SDK1: variants seen among roughly 807,000 people sequenced by gnomAD.
SDK1 encodes sidekick cell adhesion molecule 1.
SDK1 carries 157 observed loss-of-function variants against 245.5 expected under a neutral mutation model. That is an observed-to-expected ratio of 0.64 (90% confidence interval 0.56 to 0.73). SDK1 has a LOEUF of 0.73. Among genes scored for constraint, SDK1 ranks in the 30% least tolerant of loss-of-function variants. The pLI, the probability that SDK1 is intolerant of heterozygous loss-of-function variation, is 0.00. For missense variants in SDK1, 3,583 were observed against 3,002.3 expected (o/e 1.19, Z -4.52); for synonymous variants, 1,647 against 1,278.5 (o/e 1.29, Z -6.15).
At chr7:3,928,867 G>A (rs1309121110) in intron 5 of SDK1, among the ~76,000 whole-genome samples, 1 of 152,250 alleles carries the variant, frequency 6.6e-6, no homozygotes, top group Non-Finnish European at 1.5e-5. Context: ...AGACAGCAAA[G>A]TGGCAGAGCT....
Position 3,397,483 on chromosome 7 carries a change from C to A in SDK1, c.298+95599C>A, listed in dbSNP as rs548329271. 3.1e-3 allele frequency among the ~76,000 whole-genome samples: 474 copies of A among 150,766 alleles called. 3 individuals are homozygous for A. Among genetic ancestry groups the A allele is most frequent in the African/African-American group, 0.011 (442 of 40,946 alleles). On this transcript the variant is annotated intron_variant, in intron 1 of 44. Coordinates refer to ENST00000404826, the MANE Select transcript of SDK1 (RefSeq NM_152744.4). Reference sequence around the variant, plus strand: ...TTTTGGTTCGTAGTCTTTTCTTTCCCCCCCCCAGCGCTTTGAATATGTCAC... The same window carrying A: ...TTTTGGTTCGTAGTCTTTTCTTTCCACCCCCCAGCGCTTTGAATATGTCAC...
intron 17 of SDK1, among the ~76,000 whole-genome samples, chr7:4,031,984 G>A (rs967881125): frequency 2.2e-5 from 3 of 137,834 alleles, no homozygotes; most frequent in Non-Finnish European, 3.1e-5. Context: ...TTGAGATAGC[G>A]CCACTGCACT....
At chr7:3,886,619 C>G (rs750595632) in intron 5 of SDK1, among the ~76,000 whole-genome samples, 1 of 152,214 alleles carries the variant, frequency 6.6e-6, no homozygotes, top group Non-Finnish European at 1.5e-5. Context: ...GACCCTGCCT[C>G]AAAAGTTGGC....
intron 1 of SDK1, among the ~76,000 whole-genome samples, chr7:3,575,130 G>C (rs943481798): frequency 3.3e-5 from 5 of 152,046 alleles, no homozygotes; most frequent in African/African-American, 1.2e-4. Context: ...CCCTAGACTG[G>C]GTGGTTTAAG....
At chr7:4,072,566 T>C (rs2128175128) in intron 20 of SDK1, among the ~76,000 whole-genome samples, 1 of 152,322 alleles carries the variant, frequency 6.6e-6, no homozygotes, top group African/African-American at 2.4e-5. Flanking sequence ...GGCAGCACCA[T>C]GAAATTCTAT....
chr7:3,687,972 T>C (rs377124567), intron 4 of SDK1, among the ~76,000 whole-genome samples: 3 of 152,142 alleles, frequency 2.0e-5, no homozygotes, highest in African/African-American at 7.2e-5. Flanking sequence ...AGGAGAAACA[T>C]GGCACCCTCA....
At chr7:3,673,269 C>T (rs995285958) in intron 4 of SDK1, among the ~76,000 whole-genome samples, 1 of 152,128 alleles carries the variant, frequency 6.6e-6, no homozygotes, top group Non-Finnish European at 1.5e-5. Flanking sequence ...AGGAACAAAT[C>T]CCATGGGGGC....
At chr7:3,402,939 CTGT>C (rs1235605162) in intron 1 of SDK1, among the ~76,000 whole-genome samples, 9 of 149,682 alleles carry the variant, frequency 6.0e-5, no homozygotes, top group Middle Eastern at 3.2e-3. Context: ...TTCTATTCCT[CTGT>C]TTCTTTCTTT....
Position 3,493,280 on chromosome 7 carries a change from G to T in SDK1, c.299-125800G>T, listed in dbSNP as rs1362285748. Among the ~76,000 whole-genome samples, 3 of 152,254 alleles carry T rather than the reference G, an allele frequency of 2.0e-5. No homozygotes were observed. The East Asian group carries it at 5.8e-4, about 29-fold the overall frequency. Reference sequence around the variant, plus strand: ...AGAAGATTTAGATATATGTCTGTCTGTCCATCCATCTCCCTACCCTTCATC... The same window carrying T: ...AGAAGATTTAGATATATGTCTGTCTTTCCATCCATCTCCCTACCCTTCATC... On this transcript the variant is annotated intron_variant, in intron 1 of 44. Transcript: ENST00000404826.
intron 14 of SDK1, among the ~76,000 whole-genome samples, chr7:3,988,216 T>G (rs1467054188): frequency 7.0e-6 from 1 of 143,776 alleles, no homozygotes; most frequent in African/African-American, 2.6e-5. Context: ...TCTATATTCC[T>G]CTGCCAGAAC....
chr7:3,392,650 C>G (rs1781787039), intron 1 of SDK1, among the ~76,000 whole-genome samples: 1 of 152,088 alleles, frequency 6.6e-6, no homozygotes, highest in Non-Finnish European at 1.5e-5. Context: ...CTTCTAATCT[C>G]CTTTTTGTCT....
At chr7:3,420,576 T>G (rs972711095) in intron 1 of SDK1, among the ~76,000 whole-genome samples, 1 of 152,158 alleles carries the variant, frequency 6.6e-6, no homozygotes, top group African/African-American at 2.4e-5. Flanking sequence ...TAAGGAAAGA[T>G]TTTACTTAAT....
intron 4 of SDK1, among the ~76,000 whole-genome samples, chr7:3,719,351 G>T (rs764856797): frequency 3.3e-5 from 5 of 150,390 alleles, no homozygotes; most frequent in Non-Finnish European, 7.4e-5. Flanking sequence ...CTCTGAAAAA[G>T]AAGAAAAAAG....
intron 1 of SDK1, among the ~76,000 whole-genome samples, chr7:3,518,211 G>C (rs1782811219): frequency 6.6e-6 from 1 of 152,034 alleles, no homozygotes; most frequent in African/African-American, 2.4e-5. Flanking sequence ...TATTCTTTCT[G>C]CAGATAAAAT....
Position 3,603,367 on chromosome 7 carries a change from G to T in SDK1, c.299-15713G>T, listed in dbSNP as rs573320860. On this transcript the variant is annotated intron_variant, in intron 1 of 44. Transcript: ENST00000404826. ...TCCTCTTTTATTTCCTTGAGCAGTG[G>T]TTTGTAGTTCTCCTTGAAGAGGTCC... Among the ~76,000 whole-genome samples, 191 of 151,076 alleles carry T rather than the reference G, an allele frequency of 1.3e-3. 1 individual carries two copies. Among genetic ancestry groups the T allele is most frequent in the Middle Eastern group, 3.4e-3 (1 of 294 alleles).
chr7:3,999,973 A>G (rs1435070418), intron 14 of SDK1, among the ~76,000 whole-genome samples: 1 of 152,152 alleles, frequency 6.6e-6, no homozygotes, highest in African/African-American at 2.4e-5. Context: ...GAGCTAGGCA[A>G]GGTGGTGTGA....
intron 4 of SDK1, among the ~76,000 whole-genome samples, chr7:3,674,123 G>A (rs1393261988): frequency 6.6e-6 from 1 of 152,170 alleles, no homozygotes; most frequent in Non-Finnish European, 1.5e-5. Context: ...GTTGATTGAA[G>A]CACAGTCAAT....
intron 5 of SDK1, among the ~76,000 whole-genome samples, chr7:3,923,843 G>A (rs1779677284): frequency 6.6e-6 from 1 of 152,190 alleles, no homozygotes; most frequent in East Asian, 1.9e-4. Context: ...GGGTTCCTCA[G>A]GGGTTCCTTT....
In SDK1 at chr7:4,014,425, A is replaced by G. The variant is rs185686955; in HGVS notation, c.2420+2190A>G. On this transcript the variant is annotated intron_variant, in intron 16 of 44. Coordinates refer to ENST00000404826, the MANE Select transcript of SDK1 (RefSeq NM_152744.4). The stretch of plus-strand genomic sequence containing the variant: ...AGGGTGCAGTACCCTAGGCCTGTGA[A>G]TATCAAAGTTTTCAGAAATGAAAGA... Among the ~76,000 whole-genome samples the G allele has an allele frequency of 7.0e-3, 1,065 of 152,284 alleles. 4 individuals carry two copies. Among genetic ancestry groups the G allele is most frequent in the Middle Eastern group, 0.014 (4 of 294 alleles).
Sources: gnomAD v4.1 joint callset for allele counts (sites outside exome capture counted in the v4.1 genomes callset) on GRCh38, gnomAD v4.1.1 for gene constraint, MANE v1.5 for transcripts, NCBI Gene and HGNC (gene_info 2026-07-23, HGNC 2026-07-21) for gene names.